B4GALNT2: variants seen among roughly 807,000 people sequenced by gnomAD.
B4GALNT2 encodes beta-1,4-N-acetyl-galactosaminyltransferase 2 (SID blood group).
Under a neutral mutation model 51.1 loss-of-function variants are expected in B4GALNT2, and 42 were observed. The ratio of observed to expected loss-of-function variants is 0.82; its 90% CI spans 0.64 to 1.06. The LOEUF (loss-of-function observed/expected upper bound fraction) is 1.06, where lower values mean the gene tolerates loss of function less well. B4GALNT2 is among the 50% of genes least tolerant of loss of function. The pLI, the probability that B4GALNT2 is intolerant of heterozygous loss-of-function variation, is 0.00. For synonymous variants in B4GALNT2, 253 were observed against 251.7 expected (o/e 1.01, Z -0.05); for missense variants, 602 against 633.6 (o/e 0.95, Z 0.54).
intron 6 of B4GALNT2, 104 bp from the exon 7 acceptor site, chr17:49,160,451 C>A: frequency 9.4e-7 from 1 of 1,068,564 alleles, no homozygotes; most frequent in Non-Finnish European, 1.5e-6. Flanking sequence ...CCAGGACTCT[C>A]CCCACCAAAC....
intron 2 of B4GALNT2, among the ~76,000 whole-genome samples, chr17:49,141,674 GT>G (rs200743672): frequency 1.1e-4 from 16 of 151,790 alleles, no homozygotes; most frequent in East Asian, 5.8e-4. Flanking sequence ...AGAGCATGTA[GT>G]TTTTTTTTAT....
chr17:49,148,328 C>CT, intron 3 of B4GALNT2: 2 of 358,662 alleles, frequency 5.6e-6, no homozygotes, highest in Non-Finnish European at 1.1e-5. Context: ...AAACAAAAGT[C>CT]CTCTCCAATT....
At chr17:49,123,284 A>G in the B4GALNT2 span, among the ~76,000 whole-genome samples, 1 of 152,206 alleles carries the variant, frequency 6.6e-6, no homozygotes, top group Non-Finnish European at 1.5e-5. Flanking sequence ...TCCTCCTGTC[A>G]TGGTTGGAGG....
At chr17:49,156,480 C>T (rs2042811313) in intron 4 of B4GALNT2, 86 bp from the exon 5 acceptor site, 1 of 1,406,536 alleles carries the variant, frequency 7.1e-7, no homozygotes, top group Non-Finnish European at 1.0e-6. Flanking sequence ...CAAGGATGTG[C>T]AGGAGTCCAT....
At chr17:49,156,672 T>A (rs1435646897) in intron 5 of B4GALNT2, 69 bp downstream of exon 5, 1 of 1,540,824 alleles carries the variant, frequency 6.5e-7, no homozygotes, top group Non-Finnish European at 8.9e-7. Flanking sequence ...GTGGCTGCTC[T>A]CAGCCTTTGA....
chr17:49,131,221 C>T (rs566827638), upstream of B4GALNT2, among the ~76,000 whole-genome samples: 1 of 152,272 alleles, frequency 6.6e-6, no homozygotes, highest in Non-Finnish European at 1.5e-5. Context: ...TACCCCCCTA[C>T]ATGCACGTAG....
rs112389847 is a variant in B4GALNT2 at position 49,135,594 on chromosome 17, T to C, written c.14+2788T>C. On this transcript the variant is annotated intron_variant, in intron 1 of 10. Coordinates refer to ENST00000393354, the MANE Select transcript of B4GALNT2 (RefSeq NM_001159387.2). ...TTTTTAATATCTTCCTTGCTATTCT[T>C]ATGTGTTACTTCTAATAAATTTTAG... Among the ~76,000 whole-genome samples the C allele has an allele frequency of 2.5e-3, 373 of 152,170 alleles. 7 individuals are homozygous for C. Among genetic ancestry groups the C allele is most frequent in the African/African-American group, 8.2e-3 (342 of 41,556 alleles).
chr17:49,158,490 T>C (rs2042830607), intron 5 of B4GALNT2, among the ~76,000 whole-genome samples: 1 of 151,968 alleles, frequency 6.6e-6, no homozygotes, highest in Non-Finnish European at 1.5e-5. Flanking sequence ...AAAAACAAAT[T>C]AGCCACGTGT....
At chr17:49,153,978 C>T (rs2042783769) in intron 4 of B4GALNT2, among the ~76,000 whole-genome samples, 1 of 151,552 alleles carries the variant, frequency 6.6e-6, no homozygotes, top group Admixed American at 6.6e-5. Context: ...ATCATGGGAA[C>T]AGGCAAAACA....
At chr17:49,155,647 TTAA>T (rs1211879178) in intron 4 of B4GALNT2, among the ~76,000 whole-genome samples, 3 of 148,324 alleles carry the variant, frequency 2.0e-5, no homozygotes, top group Non-Finnish European at 3.0e-5. Flanking sequence ...ATATATTATA[TTAA>T]TGTTATATAA....
intron 3 of B4GALNT2, chr17:49,148,965 A>T (rs60797368): frequency 0.16 from 26,364 of 162,786 alleles, 2,492 homozygotes; most frequent in East Asian, 0.43. Context: ...CTGAGGCAGG[A>T]GAATCGTCTG....
intron 4 of B4GALNT2, among the ~76,000 whole-genome samples, chr17:49,155,048 G>T (rs2042795110): frequency 1.3e-5 from 2 of 151,920 alleles, no homozygotes; most frequent in African/African-American, 4.8e-5. Context: ...AGTGGCTCTT[G>T]CCTGTAATCC....
Position 49,171,592 on chromosome 17 carries a change from C to T in B4GALNT2, c.*1864C>T, listed in dbSNP as rs193170568. 33 of 412,764 alleles carry T rather than the reference C, an allele frequency of 8.0e-5. No homozygotes were observed. The highest frequency in any genetic ancestry group is 2.2e-4 in the Admixed American group (7 of 32,206). 25.6% of individuals were successfully genotyped at this position (412,764 alleles called of 1,614,324 possible). On this transcript the variant is annotated 3_prime_UTR_variant, in exon 11 of 11. Transcript: ENST00000393354. ...ATTTGAGGTTGAGGTGCCACTATAC[C>T]GCCACGTTTCCAGATAATGGGAACT...
At chr17:49,135,908 AAAAAT>A (rs764787368) in intron 1 of B4GALNT2, among the ~76,000 whole-genome samples, 5 of 151,688 alleles carry the variant, frequency 3.3e-5, no homozygotes, top group African/African-American at 7.3e-5. Context: ...CTAAAAATAC[AAAAAT>A]AAAATAAAAT....
intron 3 of B4GALNT2, among the ~76,000 whole-genome samples, chr17:49,144,934 G>A (rs376515021): frequency 8.5e-5 from 13 of 152,216 alleles, no homozygotes; most frequent in African/African-American, 2.9e-4. Flanking sequence ...GAAGCACCCA[G>A]CACTGGAGAA....
chr17:49,145,973 G>T (rs2042691313), intron 3 of B4GALNT2, among the ~76,000 whole-genome samples: 1 of 152,138 alleles, frequency 6.6e-6, no homozygotes, highest in African/African-American at 2.4e-5. Flanking sequence ...AAGACCTCTA[G>T]GCCAGCAGAA....
intron 4 of B4GALNT2, among the ~76,000 whole-genome samples, chr17:49,155,217 G>C (rs1251747371): frequency 6.9e-6 from 1 of 144,018 alleles, no homozygotes; most frequent in Non-Finnish European, 1.5e-5. Flanking sequence ...AGAATTGCTT[G>C]ATCCTGGGAG....
chr17:49,157,423 C>T (rs190677171), intron 5 of B4GALNT2, among the ~76,000 whole-genome samples: 2 of 147,446 alleles, frequency 1.4e-5, no homozygotes, highest in Admixed American at 6.8e-5. Flanking sequence ...CGAGTTCAAT[C>T]GAGTCTCCTG....
chr17:49,175,107 A>G lies in B4GALNT2; in HGVS notation c.*5379A>G, dbSNP rs2042979708. The G allele has an allele frequency of 1.3e-5, 2 of 152,166 alleles. No individual in the cohort carries two copies. The highest frequency in any genetic ancestry group is 2.9e-5 in the Non-Finnish European group (2 of 68,028). 9.4% of individuals were successfully genotyped at this position (152,166 alleles called of 1,614,324 possible). On this transcript the variant is annotated 3_prime_UTR_variant, in exon 11 of 11. Coordinates refer to ENST00000393354, the MANE Select transcript of B4GALNT2 (RefSeq NM_001159387.2). ...TTCAGGGGCTTTACCAACTCCAACT[A>G]TGTTAAATTGAGTGGGTTGAATTTG...
Sources: allele counts gnomAD v4.1 joint callset (sites outside exome capture counted in the v4.1 genomes callset), GRCh38; gene constraint gnomAD v4.1.1; transcripts MANE v1.5; gene names NCBI Gene and HGNC (gene_info 2026-07-23, HGNC 2026-07-21).